Variants in PRDM5 observed in about 807,000 individuals in gnomAD.
PRDM5 encodes PR domain zinc finger protein 5.
A neutral mutation model predicts 81.2 loss-of-function variants in PRDM5; 56 were observed. That is an observed-to-expected ratio of 0.69 (90% CI 0.56 to 0.86). PRDM5 has a LOEUF of 0.86. Ranked by LOEUF, PRDM5 falls within the 40% of genes least tolerant of loss-of-function variation. The pLI is 0.00. For synonymous variants in PRDM5, 267 were observed against 256.4 expected, an observed-to-expected ratio of 1.04 and a Z score of -0.39; for missense variants, 697 against 770.1, an observed-to-expected ratio of 0.91 and a Z score of 1.12.
chr4:120,780,934 C>A (rs1212700635), intron 12 of PRDM5, among the ~76,000 whole-genome samples: 1 of 152,112 alleles, frequency 6.6e-6, no homozygotes, highest in African/African-American at 2.4e-5. Context: ...CTACATCTAA[C>A]TCAGGTTCTC....
intron 1 of PRDM5, among the ~76,000 whole-genome samples, chr4:120,912,194 T>C (rs942880544): frequency 4.6e-5 from 7 of 152,156 alleles, no homozygotes; most frequent in African/African-American, 1.7e-4. Flanking sequence ...CACAGATTAC[T>C]TGCTAAGAAC....
intron 13 of PRDM5, among the ~76,000 whole-genome samples, chr4:120,767,498 C>G (rs1276751304): frequency 6.6e-6 from 1 of 151,940 alleles, no homozygotes; most frequent in Non-Finnish European, 1.5e-5. Flanking sequence ...ACTATAAAAA[C>G]AAAGTTAAAC....
At chr4:120,749,759 G>C (rs1314938412) in intron 14 of PRDM5, among the ~76,000 whole-genome samples, 1 of 152,198 alleles carries the variant, frequency 6.6e-6, no homozygotes, top group African/African-American at 2.4e-5. Context: ...TCTGGAGAGA[G>C]ACAGAACCTG....
intron 1 of PRDM5, among the ~76,000 whole-genome samples, chr4:120,914,270 G>A (rs948954667): frequency 6.7e-6 from 1 of 149,356 alleles, no homozygotes; most frequent in African/African-American, 2.5e-5. Context: ...GAAAGAAAGA[G>A]ATAAGAATCA....
chr4:120,782,434 AAAGG>A (rs1299232394), intron 11 of PRDM5, among the ~76,000 whole-genome samples: 3 of 152,210 alleles, frequency 2.0e-5, no homozygotes, highest in South Asian at 4.1e-4. Context: ...TCTTCACATG[AAAGG>A]AAGGAAGAAA....
intron 3 of PRDM5, among the ~76,000 whole-genome samples, chr4:120,827,189 C>A (rs559826482): frequency 3.6e-4 from 55 of 152,218 alleles, no homozygotes; most frequent in Middle Eastern, 3.4e-3. Context: ...TTGAACAAAG[C>A]TGAAAAACAA....
chr4:120,844,244 C>T lies in PRDM5; in HGVS notation c.300+9174G>A, dbSNP rs149709789. Among the ~76,000 whole-genome samples the T allele has an allele frequency of 3.0e-4, 46 of 152,112 alleles. No homozygotes were observed. In the East Asian group the frequency reaches 5.6e-3, roughly 18 times the overall value. On this transcript the variant is annotated intron_variant, in intron 3 of 15. Coordinates refer to ENST00000264808, the MANE Select transcript of PRDM5 (RefSeq NM_018699.4). The stretch of plus-strand genomic sequence containing the variant: ...ATATTATAAAGACAAAAACTACAAA[C>T]CTGGCAAGGGGTGGTGATAATGAAA...
At position 120,818,359 on chromosome 4, in the gene PRDM5, T is replaced by C. The variant is rs150423808; in HGVS notation, c.644A>G (p.Gln215Arg). The change falls in exon 5 of 16, where the codon CAA (glutamine) becomes CGA (arginine). Residue 215 changes from glutamine (Q) to arginine (R), a missense_variant. By Grantham distance (43) the Gln-to-Arg change is conservative. Around this residue, in one of 3 missense-constraint regions of PRDM5, gnomAD observed 577 missense variants for 606.7 expected, o/e 0.95. Coordinates refer to ENST00000264808, the MANE Select transcript of PRDM5 (RefSeq NM_018699.4). ...ATTTCTTTAATATACGCACTGTCTT[T>C]GCAAAGCCTGCTTAACTGGGAATTT... is the stretch of plus-strand genomic sequence containing the variant. The part of the protein sequence containing the change: ...GKKFPVKQAL[Q>R]RHVLQCTAKS... The C allele has an allele frequency of 2.2e-5, 36 of 1,613,642 alleles. No individual in the cohort carries two copies. Among genetic ancestry groups the C allele is most frequent in the Non-Finnish European group, 2.4e-5 (28 of 1,179,704 alleles).
intron 14 of PRDM5, chr4:120,731,731 TGCCTG>T (rs1227765209): frequency 6.6e-6 from 1 of 152,158 alleles, no homozygotes; most frequent in Non-Finnish European, 1.5e-5. Flanking sequence ...TCCTTCCTGT[TGCCTG>T]GAATGAGGAT....
intron 13 of PRDM5, among the ~76,000 whole-genome samples, chr4:120,776,390 T>C (rs956414394): frequency 7.9e-5 from 12 of 152,164 alleles, no homozygotes; most frequent in African/African-American, 2.4e-4. Context: ...GTGCTAGACA[T>C]TGAGCTAGGT....
At chr4:120,893,132 T>C (rs1004924995) in intron 2 of PRDM5, among the ~76,000 whole-genome samples, 4 of 152,190 alleles carry the variant, frequency 2.6e-5, no homozygotes, top group African/African-American at 4.8e-5. Context: ...TCTGCCTCAG[T>C]CCAGAAGGAA....
At chr4:120,823,797 C>T (rs1297285655) in intron 3 of PRDM5, among the ~76,000 whole-genome samples, 1 of 152,196 alleles carries the variant, frequency 6.6e-6, no homozygotes, top group African/African-American at 2.4e-5. Context: ...GGTGTTTGTG[C>T]CCACAAACCT....
chr4:120,853,172 A>C (rs1183338275), intron 3 of PRDM5, among the ~76,000 whole-genome samples: 1 of 152,202 alleles, frequency 6.6e-6, no homozygotes, highest in African/African-American at 2.4e-5. Context: ...AGATCTGCCA[A>C]GGACAATATC....
chr4:120,833,456 A>G (rs1044072275), intron 3 of PRDM5, among the ~76,000 whole-genome samples: 1 of 152,132 alleles, frequency 6.6e-6, no homozygotes, highest in Non-Finnish European at 1.5e-5. Flanking sequence ...GATATTCCCA[A>G]AAGAAGTTGT....
intron 9 of PRDM5, among the ~76,000 whole-genome samples, chr4:120,799,459 C>A (rs1399055072): frequency 1.3e-5 from 2 of 152,198 alleles, no homozygotes; most frequent in African/African-American, 4.8e-5. Flanking sequence ...TCTTCAATAT[C>A]ATTTACTCTA....
chr4:120,791,275 A>C (rs1276607838), intron 10 of PRDM5, among the ~76,000 whole-genome samples: 1 of 152,220 alleles, frequency 6.6e-6, no homozygotes, highest in Non-Finnish European at 1.5e-5. Context: ...AGCAGTGGTT[A>C]CAAAAAAAAT....
At chr4:120,906,475 C>T (rs574225167) in intron 2 of PRDM5, among the ~76,000 whole-genome samples, 1 of 152,268 alleles carries the variant, frequency 6.6e-6, no homozygotes, top group East Asian at 1.9e-4. Flanking sequence ...GAATGAATCC[C>T]TGTCATTAAG....
rs1374259088 is a variant in PRDM5, at chr4:120,816,722, A to G, written c.743+110T>C. The stretch of plus-strand genomic sequence containing the variant: ...TACCTATGCAGGTAAGAAGAAAAGC[A>G]TTTAAATTCTGTAGGTATGTGAAAC... On this transcript the variant is annotated intron_variant, in intron 6 of 15. Transcript: ENST00000264808. The G allele has an allele frequency of 2.6e-6, 4 of 1,516,276 alleles. No individual in the cohort carries two copies. In the East Asian group the frequency reaches 9.0e-5, roughly 34 times the overall value. 93.9% of individuals were successfully genotyped at this position (1,516,276 alleles called of 1,614,324 possible). A position where few individuals can be genotyped will look rare whatever the true frequency, so the allele number is the denominator to read the frequency against.
At chr4:120,726,982 T>C (rs373166554) in intron 14 of PRDM5, among the ~76,000 whole-genome samples, 6 of 152,134 alleles carry the variant, frequency 3.9e-5, no homozygotes, top group African/African-American at 1.4e-4. Context: ...AGCCATTGAG[T>C]CATATATTTC....
Sources: allele counts gnomAD v4.1 joint callset (sites outside exome capture counted in the v4.1 genomes callset), GRCh38; gene constraint gnomAD v4.1.1; regional missense constraint gnomAD v4.1.1; transcripts MANE v1.5; gene names NCBI Gene and HGNC (gene_info 2026-07-23, HGNC 2026-07-21).